UBE2E2: variants seen among roughly 807,000 people sequenced by gnomAD.
The protein encoded by UBE2E2 is ubiquitin-conjugating enzyme E2 E2.
A neutral mutation model predicts 24.7 loss-of-function variants in UBE2E2; 6 were observed. That is an observed-to-expected ratio of 0.24 (90% confidence interval 0.13 to 0.48). UBE2E2 has a LOEUF of 0.48. UBE2E2 is among the 20% of genes least tolerant of loss of function. The pLI is 0.99. For missense variants in UBE2E2, 169 were observed against 245.0 expected (o/e 0.69, Z 2.07); for synonymous variants, 104 against 83.6 (o/e 1.24, Z -1.33).
chr3:23,568,694 CACATATATATAT>C (rs1696144815), intron 5 of UBE2E2, among the ~76,000 whole-genome samples: 1 of 132,768 alleles, frequency 7.5e-6, no homozygotes, highest in Non-Finnish European at 1.6e-5. Context: ...CATATATACA[CACATATATATAT>C]ACATGTATAT....
intron 3 of UBE2E2, among the ~76,000 whole-genome samples, chr3:23,303,396 T>C (rs149965888): frequency 2.5e-3 from 379 of 152,242 alleles, no homozygotes; most frequent in African/African-American, 8.4e-3. Context: ...AAAATTGTCT[T>C]CCCCTAAACC....
chr3:23,363,800 T>C (rs1001789283), intron 3 of UBE2E2, among the ~76,000 whole-genome samples: 2 of 152,018 alleles, frequency 1.3e-5, no homozygotes, highest in Admixed American at 6.6e-5. Flanking sequence ...ACGGGCCTAG[T>C]AGACATCTAC....
chr3:23,418,186 G>A (rs557447179), intron 3 of UBE2E2, among the ~76,000 whole-genome samples: 22 of 152,170 alleles, frequency 1.4e-4, no homozygotes, highest in Non-Finnish European at 3.2e-4. Flanking sequence ...CCCTGGTGGC[G>A]TAGGCACCCG....
intron 3 of UBE2E2, among the ~76,000 whole-genome samples, chr3:23,489,924 T>TC (rs1322796785): frequency 3.3e-5 from 5 of 152,090 alleles, no homozygotes; most frequent in Admixed American, 2.6e-4. Flanking sequence ...TCTTTCCCCT[T>TC]CCCCCCATAT....
intron 3 of UBE2E2, among the ~76,000 whole-genome samples, chr3:23,400,837 A>G (rs1283078942): frequency 1.3e-5 from 2 of 150,818 alleles, no homozygotes; most frequent in East Asian, 3.9e-4. Flanking sequence ...TCCTTCTTCT[A>G]CCAGTATTTA....
intron 3 of UBE2E2, among the ~76,000 whole-genome samples, chr3:23,275,958 G>A (rs1698366176): frequency 2.0e-5 from 3 of 152,112 alleles, no homozygotes; most frequent in African/African-American, 7.2e-5. Context: ...CAGAGACTAC[G>A]TATCTGAGAG....
intron 3 of UBE2E2, among the ~76,000 whole-genome samples, chr3:23,441,979 A>G (rs931579899): frequency 6.6e-6 from 1 of 152,156 alleles, no homozygotes; most frequent in African/African-American, 2.4e-5. Flanking sequence ...ATTTAAATTG[A>G]AGTTCCCTAG....
At chr3:23,220,093 A>G (rs1328809279) in intron 3 of UBE2E2, among the ~76,000 whole-genome samples, 1 of 152,198 alleles carries the variant, frequency 6.6e-6, no homozygotes, top group East Asian at 1.9e-4. Flanking sequence ...TGAGACTATC[A>G]AGTCACCCCG....
At chr3:23,571,223 C>T (rs1696214138) in intron 5 of UBE2E2, among the ~76,000 whole-genome samples, 1 of 147,642 alleles carries the variant, frequency 6.8e-6, no homozygotes, top group Non-Finnish European at 1.5e-5. Context: ...CCCTCACACA[C>T]AGCATTCTTC....
intron 3 of UBE2E2, among the ~76,000 whole-genome samples, chr3:23,302,361 C>T (rs1699121601): frequency 6.6e-6 from 1 of 152,188 alleles, no homozygotes; most frequent in African/African-American, 2.4e-5. Context: ...AGGAAAGTAT[C>T]TTATTACCAG....
At chr3:23,221,407 TC>T (rs1479623501) in intron 3 of UBE2E2, among the ~76,000 whole-genome samples, 1 of 152,138 alleles carries the variant, frequency 6.6e-6, no homozygotes, top group Admixed American at 6.6e-5. Flanking sequence ...TTTTGATACC[TC>T]CCAAAAAATA....
intron 3 of UBE2E2, among the ~76,000 whole-genome samples, chr3:23,311,178 G>A (rs1694379115): frequency 6.6e-6 from 1 of 152,156 alleles, no homozygotes; most frequent in African/African-American, 2.4e-5. Context: ...CCCTGCAAAG[G>A]ACATGAACTC....
chr3:23,535,788 A>AT (rs1695249236), intron 5 of UBE2E2, among the ~76,000 whole-genome samples: 1 of 151,638 alleles, frequency 6.6e-6, no homozygotes, highest in Admixed American at 6.6e-5. Context: ...TGCCTGGCTA[A>AT]TTTTTTGTAT....
intron 3 of UBE2E2, among the ~76,000 whole-genome samples, chr3:23,388,188 G>A (rs1696849900): frequency 6.6e-6 from 1 of 152,170 alleles, no homozygotes; most frequent in Non-Finnish European, 1.5e-5. Context: ...ACATTAGGGA[G>A]TAAATATTCT....
chr3:23,568,528 A>T (rs1013239704), intron 5 of UBE2E2, among the ~76,000 whole-genome samples: 6 of 151,116 alleles, frequency 4.0e-5, no homozygotes, highest in Non-Finnish European at 8.8e-5. Context: ...ACTCCATTTA[A>T]AGAGAATTTA....
intron 3 of UBE2E2, among the ~76,000 whole-genome samples, chr3:23,337,255 T>C (rs539176322): frequency 2.6e-4 from 39 of 152,190 alleles, no homozygotes; most frequent in Admixed American, 9.2e-4. Context: ...ATAAAAATTA[T>C]AGAAAGTGTA....
chr3:23,353,801 G>T (rs1445733696), intron 3 of UBE2E2, among the ~76,000 whole-genome samples: 1 of 145,014 alleles, frequency 6.9e-6, no homozygotes, highest in South Asian at 2.3e-4. Flanking sequence ...CGTGAAAATG[G>T]CCATACTGTC....
chr3:23,473,859 A>G (rs1473112886), intron 3 of UBE2E2, among the ~76,000 whole-genome samples: 1 of 152,132 alleles, frequency 6.6e-6, no homozygotes, highest in East Asian at 1.9e-4. Flanking sequence ...GTGCAGCTAT[A>G]AACATGCATG....
At chr3:23,293,197 G>T (rs1318104360) in intron 3 of UBE2E2, among the ~76,000 whole-genome samples, 1 of 152,176 alleles carries the variant, frequency 6.6e-6, no homozygotes, top group Admixed American at 6.5e-5. Context: ...AACGTTAGTC[G>T]TTGTGTGGAC....
Sources: allele counts gnomAD v4.1 joint callset (sites outside exome capture counted in the v4.1 genomes callset), GRCh38; gene constraint gnomAD v4.1.1; transcripts MANE v1.5; gene names NCBI Gene and HGNC (gene_info 2026-07-23, HGNC 2026-07-21).